MAGI2: variants seen among roughly 807,000 people sequenced by gnomAD.
The protein encoded by MAGI2 is membrane-associated guanylate kinase, WW and PDZ domain-containing protein 2.
MAGI2 carries 35 observed loss-of-function variants against 133.3 expected under a neutral mutation model. The ratio of observed to expected loss-of-function variants is 0.26; its 90% confidence interval spans 0.20 to 0.35. The LOEUF (loss-of-function observed/expected upper bound fraction) is 0.35, where lower values mean the gene tolerates loss of function less well. Ranked by LOEUF, MAGI2 falls within the 10% of genes least tolerant of loss-of-function variation. The pLI is 1.00. For synonymous variants in MAGI2, 729 were observed against 710.6 expected (o/e 1.03, Z -0.41); for missense variants, 1,636 against 1,863.4 (o/e 0.88, Z 2.25).
chr7:78,970,544 A>G (rs1196914837), intron 2 of MAGI2, among the ~76,000 whole-genome samples: 1 of 151,992 alleles, frequency 6.6e-6, no homozygotes, highest in Admixed American at 6.6e-5. Context: ...AACAGAAATT[A>G]GCAATTATGG....
At chr7:79,239,734 G>A (rs1248180568) in intron 1 of MAGI2, among the ~76,000 whole-genome samples, 2 of 152,044 alleles carry the variant, frequency 1.3e-5, no homozygotes, top group Non-Finnish European at 1.5e-5. Flanking sequence ...AACAAAAGAA[G>A]CTCATTTCAT....
At chr7:79,125,377 T>A in intron 1 of MAGI2, 1 of 480,378 alleles carries the variant, frequency 2.1e-6, no homozygotes, top group Non-Finnish European at 4.1e-6. Flanking sequence ...GAATGACAAC[T>A]TTGGTCATGG....
intron 9 of MAGI2, among the ~76,000 whole-genome samples, chr7:78,314,863 T>C (rs1408879846): frequency 2.0e-5 from 3 of 152,180 alleles, no homozygotes; most frequent in Admixed American, 6.5e-5. Context: ...CTCTATTCGA[T>C]TGTATTCAAT....
rs559669119 is a variant in MAGI2 at position 79,276,235 on chromosome 7, C to T, written c.301+176785G>A. The stretch of plus-strand genomic sequence containing the variant: ...GAGGAGGTCAAAATATCAGCATTAA[C>T]GTGTGCTTGGGAGAAGTTAATTCTA... On this transcript the variant is annotated intron_variant, in intron 1 of 21. Coordinates refer to ENST00000354212, the MANE Select transcript of MAGI2 (RefSeq NM_012301.4). 7.2e-5 allele frequency among the ~76,000 whole-genome samples: 11 copies of T among 152,252 alleles called. No individual in the cohort carries two copies. The South Asian group carries it at 1.7e-3, about 23-fold the overall frequency.
chr7:78,613,765 A>G (rs1368472907), intron 3 of MAGI2, among the ~76,000 whole-genome samples: 2 of 152,190 alleles, frequency 1.3e-5, no homozygotes, highest in Non-Finnish European at 2.9e-5. Flanking sequence ...ATGTGACAAT[A>G]TAATAGGCCA....
intron 2 of MAGI2, among the ~76,000 whole-genome samples, chr7:78,656,190 C>T (rs1812257219): frequency 6.6e-6 from 1 of 152,048 alleles, no homozygotes; most frequent in African/African-American, 2.4e-5. Context: ...CCATCTTTTC[C>T]TAACTGTGTT....
chr7:79,107,630 G>A (rs1027246384), intron 1 of MAGI2, among the ~76,000 whole-genome samples: 5 of 152,184 alleles, frequency 3.3e-5, no homozygotes, highest in African/African-American at 1.2e-4. Flanking sequence ...ATTGTTAAGG[G>A]TGATACCTGA....
Position 79,428,247 on chromosome 7 carries a change from A to G in MAGI2, c.301+24773T>C, listed in dbSNP as rs555319647. The stretch of plus-strand genomic sequence containing the variant: ...GATTAGAAGTTGGGTCTGAACATAT[A>G]AGACTGTGTAAATCTATTAACAACA... On this transcript the variant is annotated intron_variant, in intron 1 of 21. Coordinates refer to ENST00000354212, the MANE Select transcript of MAGI2 (RefSeq NM_012301.4). 7.9e-5 allele frequency among the ~76,000 whole-genome samples: 12 copies of G among 152,308 alleles called. No individual in the cohort carries two copies. The South Asian group carries it at 2.5e-3, about 32-fold the overall frequency.
chr7:78,405,545 T>A (rs556847386), intron 6 of MAGI2, among the ~76,000 whole-genome samples: 22 of 152,216 alleles, frequency 1.4e-4, no homozygotes, highest in African/African-American at 4.8e-4. Flanking sequence ...GTATACTACA[T>A]GTGTCAAGAG....
chr7:79,207,310 T>A (rs997425864), intron 1 of MAGI2, among the ~76,000 whole-genome samples: 2 of 151,924 alleles, frequency 1.3e-5, no homozygotes, highest in African/African-American at 4.8e-5. Context: ...TGGCCATATA[T>A]ATAGAAAACC....
At chr7:78,966,092 G>A (rs111919756) in intron 2 of MAGI2, among the ~76,000 whole-genome samples, 41 of 152,090 alleles carry the variant, frequency 2.7e-4, no homozygotes, top group African/African-American at 8.9e-4. Context: ...ACTGACCTAG[G>A]TTAACCTGAA....
intron 1 of MAGI2, among the ~76,000 whole-genome samples, chr7:79,448,568 A>ATAGC (rs1416682963): frequency 6.6e-6 from 1 of 152,120 alleles, no homozygotes; most frequent in African/African-American, 2.4e-5. Context: ...TCTTGTACAT[A>ATAGC]TAGCTAGCAC....
chr7:79,242,977 G>A (rs1419873820), intron 1 of MAGI2, among the ~76,000 whole-genome samples: 1 of 152,052 alleles, frequency 6.6e-6, no homozygotes, highest in Admixed American at 6.6e-5. Flanking sequence ...AACACTTTGG[G>A]AGGCTGAGGT....
intron 7 of MAGI2, among the ~76,000 whole-genome samples, chr7:78,357,508 A>G (rs2151221522): frequency 6.6e-6 from 1 of 152,322 alleles, no homozygotes; most frequent in South Asian, 2.1e-4. Flanking sequence ...TGAAAATATT[A>G]TTCACATTAT....
At chr7:78,214,968 G>C (rs1788123653) in intron 10 of MAGI2, among the ~76,000 whole-genome samples, 2 of 152,208 alleles carry the variant, frequency 1.3e-5, no homozygotes, top group Non-Finnish European at 2.9e-5. Context: ...GGAGCAGAGA[G>C]TCACAGCTTG....
chr7:78,161,647 C>A (rs536869656), intron 15 of MAGI2, among the ~76,000 whole-genome samples: 1 of 90,504 alleles, frequency 1.1e-5, no homozygotes, highest in Non-Finnish European at 2.1e-5. Context: ...CTGCAAGAGA[C>A]GTTTTGTTAC....
intron 20 of MAGI2, among the ~76,000 whole-genome samples, chr7:78,088,689 G>A (rs1451819512): frequency 4.6e-5 from 7 of 152,120 alleles, no homozygotes; most frequent in Admixed American, 3.9e-4. Flanking sequence ...GTAGCGGGAA[G>A]GAATGCTGCC....
intron 1 of MAGI2, among the ~76,000 whole-genome samples, chr7:79,283,910 A>C (rs546127994): frequency 1.7e-4 from 26 of 152,192 alleles, no homozygotes; most frequent in African/African-American, 5.5e-4. Context: ...CCATATTTTT[A>C]CTGTATCTTT....
chr7:78,050,160 C>T (rs1584945570), intron 21 of MAGI2, among the ~76,000 whole-genome samples: 1 of 152,136 alleles, frequency 6.6e-6, no homozygotes, highest in Non-Finnish European at 1.5e-5. Flanking sequence ...TTCCTCAACT[C>T]GTTTTGCTAG....
Sources: gnomAD v4.1 joint callset for allele counts (sites outside exome capture counted in the v4.1 genomes callset) on GRCh38, gnomAD v4.1.1 for gene constraint, MANE v1.5 for transcripts, NCBI Gene and HGNC (gene_info 2026-07-23, HGNC 2026-07-21) for gene names.